PKHD1: variants seen among roughly 807,000 people sequenced by gnomAD.
PKHD1 encodes fibrocystin.
A neutral mutation model predicts 412.0 loss-of-function variants in PKHD1; 291 were observed. That is an observed-to-expected ratio of 0.71 (90% CI 0.64 to 0.78). The LOEUF (loss-of-function observed/expected upper bound fraction) is 0.78. Ranked by LOEUF, PKHD1 falls within the 30% of genes least tolerant of loss-of-function variation. The pLI is 0.00. For synonymous variants in PKHD1, 1,777 were observed against 1,821.5 expected (o/e 0.98, Z 0.62); for missense variants, 4,825 against 4,950.7 (o/e 0.97, Z 0.76).
chr6:51,874,711 G>C (rs923923407), intron 46 of PKHD1, among the ~76,000 whole-genome samples: 1 of 151,706 alleles, frequency 6.6e-6, no homozygotes, highest in Non-Finnish European at 1.5e-5. Flanking sequence ...GGCGGATCAC[G>C]AGGTCAGGAG....
rs1229292183 is a variant in PKHD1 at position 52,035,596 on chromosome 6, G to A, written c.3223C>T (p.Pro1075Ser). The A allele has an allele frequency of 1.2e-6, 2 of 1,613,730 alleles. No homozygotes were observed. Among genetic ancestry groups the A allele is most frequent in the Non-Finnish European group, 1.7e-6 (2 of 1,179,800 alleles). Residue 1075 changes from proline (P) to serine (S), a missense_variant, in exon 28 of 67, where the codon CCC becomes TCC. Transcript: ENST00000371117. ...TATGAAAGGAATCCACTTACCCTGG[G>A]TGGAACTTTGCACTGAATTCTGCTT... The part of the protein sequence containing the change: ...NSSRIQCKVP[P>S]RGKDGRIVNV...
chr6:51,796,232 T>C (rs1300494557), intron 52 of PKHD1, among the ~76,000 whole-genome samples: 2 of 152,158 alleles, frequency 1.3e-5, no homozygotes, highest in South Asian at 2.1e-4. Flanking sequence ...CGTTCAGTCT[T>C]GGGAGGGTGC....
At chr6:51,840,268 G>T (rs1364825025) in intron 50 of PKHD1, among the ~76,000 whole-genome samples, 1 of 152,104 alleles carries the variant, frequency 6.6e-6, no homozygotes, top group East Asian at 1.9e-4. Flanking sequence ...CTCAGAGGCA[G>T]CCACGGAAGG....
intron 59 of PKHD1, among the ~76,000 whole-genome samples, chr6:51,745,145 T>G (rs186215530): frequency 4.6e-5 from 7 of 152,302 alleles, no homozygotes; most frequent in Admixed American, 3.9e-4. Flanking sequence ...TTAGTAATAA[T>G]ATTAAATATT....
intron 60 of PKHD1, among the ~76,000 whole-genome samples, chr6:51,709,416 A>G (rs1780382889): frequency 6.6e-6 from 1 of 152,232 alleles, no homozygotes; most frequent in African/African-American, 2.4e-5. Flanking sequence ...TTGTCCCAGC[A>G]AAATTATTAA....
intron 65 of PKHD1, among the ~76,000 whole-genome samples, chr6:51,630,924 G>A (rs754220711): frequency 6.6e-6 from 1 of 152,052 alleles, no homozygotes; most frequent in Non-Finnish European, 1.5e-5. Flanking sequence ...ATCATACAAG[G>A]TAATGTGTCC....
chr6:51,995,059 C>T (rs1279450386), intron 35 of PKHD1, among the ~76,000 whole-genome samples: 1 of 152,204 alleles, frequency 6.6e-6, no homozygotes, highest in African/African-American at 2.4e-5. Context: ...CCCTGCGTTT[C>T]TTTGTATTAC....
intron 60 of PKHD1, among the ~76,000 whole-genome samples, chr6:51,672,430 A>G (rs1230618905): frequency 1.3e-5 from 2 of 152,244 alleles, no homozygotes; most frequent in African/African-American, 4.8e-5. Flanking sequence ...TGAAAATTTT[A>G]CAAAAGCACA....
intron 60 of PKHD1, among the ~76,000 whole-genome samples, chr6:51,728,312 G>T (rs954128069): frequency 2.0e-5 from 3 of 152,078 alleles, no homozygotes; most frequent in Non-Finnish European, 4.4e-5. Context: ...TGTTCAAGAG[G>T]GGCCACTGGA....
At chr6:51,749,370 C>T (rs1232832392) in intron 57 of PKHD1, among the ~76,000 whole-genome samples, 2 of 152,082 alleles carry the variant, frequency 1.3e-5, no homozygotes, top group Admixed American at 1.3e-4. Flanking sequence ...TATTTACTCT[C>T]ATTTGTAGTT....
chr6:51,786,139 T>C (rs1363657383), intron 53 of PKHD1, among the ~76,000 whole-genome samples: 1 of 152,120 alleles, frequency 6.6e-6, no homozygotes, highest in Non-Finnish European at 1.5e-5. Context: ...CGAGGGCCAT[T>C]CAACTAATGA....
chr6:51,866,780 TAAA>T (rs761371442), intron 48 of PKHD1, among the ~76,000 whole-genome samples: 1 of 151,980 alleles, frequency 6.6e-6, no homozygotes, highest in Non-Finnish European at 1.5e-5. Context: ...ACTAAAATAA[TAAA>T]AATCAGGCTG....
intron 4 of PKHD1, among the ~76,000 whole-genome samples, chr6:52,080,490 T>C (rs721092): frequency 0.47 from 71,221 of 151,770 alleles, 17,991 homozygotes; most frequent in Admixed American, 0.6. Flanking sequence ...CTCCTCTTTA[T>C]ACAAATATTG....
At chr6:52,050,603 A>C (rs1377541439) in intron 21 of PKHD1, among the ~76,000 whole-genome samples, 1 of 152,174 alleles carries the variant, frequency 6.6e-6, no homozygotes, top group African/African-American at 2.4e-5. Flanking sequence ...CTACACAGTT[A>C]ATCTATTGCA....
intron 63 of PKHD1, among the ~76,000 whole-genome samples, chr6:51,643,859 C>A (rs898549955): frequency 2.6e-5 from 4 of 151,802 alleles, no homozygotes; most frequent in Admixed American, 2.6e-4. Flanking sequence ...GTCCTCCCCC[C>A]AATCTCTGAC....
intron 66 of PKHD1, 60 bp downstream of exon 66, chr6:51,626,937 G>T: frequency 1.3e-6 from 2 of 1,582,840 alleles, no homozygotes. Flanking sequence ...AGGAGAGGGA[G>T]GCTCAGACCA....
intron 64 of PKHD1, 55 bp from the exon 65 acceptor site, chr6:51,632,778 A>T (rs562170799): frequency 7.1e-7 from 1 of 1,406,918 alleles, no homozygotes; most frequent in South Asian, 1.2e-5. Context: ...TGCTAATATA[A>T]TTAAAATATG....
chr6:52,085,516 C>T (rs1812644729), intron 1 of PKHD1, among the ~76,000 whole-genome samples: 2 of 151,940 alleles, frequency 1.3e-5, no homozygotes, highest in Admixed American at 1.3e-4. Flanking sequence ...CTCTCCGTGG[C>T]CTCAGGAGAT....
At chr6:51,739,785 C>CT (rs371155781) in intron 60 of PKHD1, among the ~76,000 whole-genome samples, 73 of 148,808 alleles carry the variant, frequency 4.9e-4, no homozygotes, top group Admixed American at 1.6e-3. Flanking sequence ...CTCCCTTCCA[C>CT]TTTTTTTTTT....
Sources: gnomAD v4.1 joint callset for allele counts (sites outside exome capture counted in the v4.1 genomes callset) on GRCh38, gnomAD v4.1.1 for gene constraint, MANE v1.5 for transcripts, NCBI Gene and HGNC (gene_info 2026-07-23, HGNC 2026-07-21) for gene names.